SH3RF2: variants seen among roughly 807,000 people sequenced by gnomAD.
SH3RF2 encodes the protein SH3 domain containing ring finger 2, also known as E3 ubiquitin-protein ligase SH3RF2.
A neutral mutation model predicts 59.0 loss-of-function variants in SH3RF2; 43 were observed. The ratio of observed to expected loss-of-function variants is 0.73; its 90% CI spans 0.57 to 0.94. The LOEUF is 0.94. Ranked by LOEUF, SH3RF2 falls within the 40% of genes least tolerant of loss-of-function variation. SH3RF2 has a pLI of 0.00. For missense variants in SH3RF2, 930 were observed against 940.1 expected, an observed-to-expected ratio of 0.99 and a Z score of 0.14; for synonymous variants, 391 against 391.5, an observed-to-expected ratio of 1.00 and a Z score of 0.01.
intron 2 of SH3RF2, among the ~76,000 whole-genome samples, chr5:145,969,592 G>A (rs566752974): frequency 9.9e-5 from 15 of 152,140 alleles, no homozygotes; most frequent in Admixed American, 2.0e-4. Flanking sequence ...AGATCCAGCC[G>A]TGCGTGGTGG....
intron 2 of SH3RF2, among the ~76,000 whole-genome samples, chr5:145,958,268 G>A (rs778585022): frequency 9.9e-5 from 15 of 152,264 alleles, no homozygotes; most frequent in Middle Eastern, 3.4e-3. Flanking sequence ...AAGACTAGGC[G>A]GAACCCTGTA....
chr5:146,070,603 C>T (rs917587454), intron 9 of SH3RF2, among the ~76,000 whole-genome samples: 1 of 152,172 alleles, frequency 6.6e-6, no homozygotes, highest in Non-Finnish European at 1.5e-5. Flanking sequence ...TCTGGTTTTG[C>T]CTGTCCTCAC....
At chr5:146,027,817 C>T (rs1485297963) in intron 5 of SH3RF2, among the ~76,000 whole-genome samples, 1 of 152,202 alleles carries the variant, frequency 6.6e-6, no homozygotes, top group Non-Finnish European at 1.5e-5. Flanking sequence ...ACTGAGGTCA[C>T]TCCAGAAAGC....
rs1482550572 is a variant in SH3RF2 at position 146,035,116 on chromosome 5, AAAG to A, written c.1060-12653_1060-12651del. ...GTGAGACTCTGTTTCAAAAAAAAAA[AAAG>A]AACAGAGACAACTGCTTTGATAATG... On this transcript the variant is annotated intron_variant, in intron 5 of 9. Coordinates refer to ENST00000359120, the MANE Select transcript of SH3RF2 (RefSeq NM_152550.4). Among the ~76,000 whole-genome samples, 2 of 152,130 alleles carry A rather than the reference AAAG, an allele frequency of 1.3e-5. 1 individual carries two copies. Among genetic ancestry groups the A allele is most frequent in the Non-Finnish European group, 2.9e-5 (2 of 68,016 alleles).
intron 2 of SH3RF2, among the ~76,000 whole-genome samples, chr5:145,989,061 T>A (rs879733661): frequency 2.0e-5 from 3 of 152,204 alleles, no homozygotes; most frequent in Non-Finnish European, 4.4e-5. Context: ...CAGGGAAAGT[T>A]ACATTTCCCT....
intron 2 of SH3RF2, among the ~76,000 whole-genome samples, chr5:145,972,377 A>G (rs1759119269): frequency 6.6e-6 from 1 of 152,144 alleles, no homozygotes; most frequent in Non-Finnish European, 1.5e-5. Flanking sequence ...GCCACCTCCT[A>G]AGGGAGCAAG....
chr5:145,959,411 C>T (rs927377841), intron 2 of SH3RF2, among the ~76,000 whole-genome samples: 1 of 152,018 alleles, frequency 6.6e-6, no homozygotes, highest in Non-Finnish European at 1.5e-5. Flanking sequence ...TATTTGATAG[C>T]TCATAGGCTG....
At chr5:145,972,658 C>G (rs906893582) in intron 2 of SH3RF2, among the ~76,000 whole-genome samples, 8 of 152,220 alleles carry the variant, frequency 5.3e-5, no homozygotes, top group African/African-American at 1.2e-4. Context: ...GAGCAAGTGT[C>G]TGCTGGGCCC....
At chr5:146,041,932 A>T (rs11747075) in intron 5 of SH3RF2, among the ~76,000 whole-genome samples, 42,986 of 152,058 alleles carry the variant, frequency 0.28, 7,695 homozygotes, top group Non-Finnish European at 0.38. Context: ...CCCTGTCTCA[A>T]AAAAATAAAA....
chr5:146,039,694 T>C (rs574068849), intron 5 of SH3RF2, among the ~76,000 whole-genome samples: 1 of 152,308 alleles, frequency 6.6e-6, no homozygotes, highest in Admixed American at 6.5e-5. Flanking sequence ...CAGTGTGTTA[T>C]TGCCCAATAA....
rs970972369 is a variant in SH3RF2 at position 145,977,243 on chromosome 5, G to A, written c.379-22815G>A. On this transcript the variant is annotated intron_variant, in intron 2 of 9. Coordinates refer to ENST00000359120, the MANE Select transcript of SH3RF2 (RefSeq NM_152550.4). ...AGACAAGACAAGGTAAGCTATTGTC[G>A]CTTATCATCTACACTTTGTTCTGAC... Among the ~76,000 whole-genome samples, 7 of 152,180 alleles carry A rather than the reference G, an allele frequency of 4.6e-5. No homozygotes were observed. In the South Asian group the frequency reaches 8.3e-4, roughly 18 times the overall value.
rs770753461 is a variant in SH3RF2 at position 145,985,849 on chromosome 5, T to C, written c.379-14209T>C. On this transcript the variant is annotated intron_variant, in intron 2 of 9. Coordinates refer to ENST00000359120, the MANE Select transcript of SH3RF2 (RefSeq NM_152550.4). ...AGACCCCATCTCTACAAAACAAAAA[T>C]AAAAATTAGCTGGGCATGGTGGAGT... Among the ~76,000 whole-genome samples, 31 of 151,676 alleles carry C rather than the reference T, an allele frequency of 2.0e-4. 1 individual carries two copies. The highest frequency in any genetic ancestry group is 1.7e-3 in the Admixed American group (26 of 15,214).
chr5:146,010,705 T>C lies in SH3RF2; in HGVS notation c.745-3042T>C, dbSNP rs1321218440. On this transcript the variant is annotated intron_variant, in intron 4 of 9. Transcript: ENST00000359120. ...TTGAGAAGTGTACGTTCATATCTTT[T>C]GCCCACTTGTTGATGGGGTTGTTTG... Among the ~76,000 whole-genome samples the C allele has an allele frequency of 9.8e-5, 15 of 152,334 alleles. 3 individuals carry two copies. Among genetic ancestry groups the C allele is most frequent in the African/African-American group, 3.6e-4 (15 of 41,578 alleles).
At chr5:145,947,153 C>CAT (rs10630349) in intron 2 of SH3RF2, among the ~76,000 whole-genome samples, 4,145 of 145,722 alleles carry the variant, frequency 0.028, 173 homozygotes, top group African/African-American at 0.093. Context: ...TGTCCTCTCC[C>CAT]ATATATATAT....
intron 5 of SH3RF2, among the ~76,000 whole-genome samples, chr5:146,022,835 G>T (rs115516119): frequency 0.011 from 1,704 of 151,548 alleles, 33 homozygotes; most frequent in African/African-American, 0.039. Context: ...TCTTGCCGGT[G>T]CACTGCAGCC....
chr5:145,957,984 A>G (rs1048929613), intron 2 of SH3RF2, among the ~76,000 whole-genome samples: 9 of 152,058 alleles, frequency 5.9e-5, no homozygotes, highest in African/African-American at 2.2e-4. Context: ...ATGGTGGCGC[A>G]TGCCTGTAAT....
chr5:145,947,127 CA>C (rs1758028811), intron 2 of SH3RF2, among the ~76,000 whole-genome samples: 1 of 149,998 alleles, frequency 6.7e-6, no homozygotes, highest in Non-Finnish European at 1.5e-5. Flanking sequence ...ACCCATTGAA[CA>C]ATAACTTTCC....
chr5:145,947,792 G>C (rs906405778), intron 2 of SH3RF2, among the ~76,000 whole-genome samples: 9 of 152,166 alleles, frequency 5.9e-5, no homozygotes, highest in African/African-American at 2.2e-4. Context: ...GATGGGTAAA[G>C]TCCCTTTGCT....
At position 146,062,570 on chromosome 5, in the gene SH3RF2, G is replaced by A. The variant is rs11435; in HGVS notation, c.2059G>A (p.Val687Ile). The change falls in exon 10 of 10, where the codon GTC becomes ATC. Residue 687 changes from valine to isoleucine, a missense_variant. Transcript: ENST00000359120. ...EAASLGPEMT[V>I]LFAHRSGCHS... ...AGCGTCCTTGGGCCCAGAGATGACC[G>A]TCCTATTTGCCCACCGAAGTGGCTG... 259,467 of 1,614,062 alleles carry A rather than the reference G, an allele frequency of 0.16. 23,045 individuals carry two copies. Among genetic ancestry groups the A allele is most frequent in the Admixed American group, 0.26 (15,751 of 60,002 alleles).
Sources: gnomAD v4.1 joint callset for allele counts (sites outside exome capture counted in the v4.1 genomes callset) on GRCh38, gnomAD v4.1.1 for gene constraint, MANE v1.5 for transcripts, NCBI Gene and HGNC (gene_info 2026-07-23, HGNC 2026-07-21) for gene names.